CCSER1: variants seen among roughly 807,000 people sequenced by gnomAD.
The protein encoded by CCSER1 is coiled-coil serine rich protein 1, also known as serine-rich coiled-coil domain-containing protein 1.
Under a neutral mutation model 82.0 loss-of-function variants are expected in CCSER1, and 41 were observed. The observed-to-expected ratio is 0.50, with a 90% CI of 0.39 to 0.65. The LOEUF (loss-of-function observed/expected upper bound fraction) is 0.65. Ranked by LOEUF, CCSER1 falls within the 30% of genes least tolerant of loss-of-function variation. The probability of loss-of-function intolerance (pLI) is 0.00; values close to 1 mark genes in which losing one functional copy is unlikely to be tolerated. For synonymous variants in CCSER1, 414 were observed against 383.9 expected (o/e 1.08, Z -0.92); for missense variants, 1,119 against 1,064.2 (o/e 1.05, Z -0.72).
chr4:90,985,673 G>A (rs1018672901), intron 9 of CCSER1, among the ~76,000 whole-genome samples: 12 of 151,386 alleles, frequency 7.9e-5, no homozygotes, highest in Admixed American at 5.9e-4. Flanking sequence ...TTTATTATAC[G>A]TCATCTGAAT....
At chr4:90,140,805 C>T (rs2153335525) in intron 1 of CCSER1, among the ~76,000 whole-genome samples, 1 of 151,554 alleles carries the variant, frequency 6.6e-6, no homozygotes, top group African/African-American at 2.4e-5. Flanking sequence ...GCTGGGATTA[C>T]AGGCATGCGC....
intron 5 of CCSER1, among the ~76,000 whole-genome samples, chr4:90,603,325 A>C (rs1490463795): frequency 6.6e-6 from 1 of 152,192 alleles, no homozygotes; most frequent in Non-Finnish European, 1.5e-5. Flanking sequence ...AATTATCAGG[A>C]GGATGCCTGA....
chr4:90,855,698 A>G (rs1349901962), intron 8 of CCSER1, among the ~76,000 whole-genome samples: 1 of 152,162 alleles, frequency 6.6e-6, no homozygotes, highest in African/African-American at 2.4e-5. Context: ...ATTGATTAAT[A>G]TCTTTATGTT....
intron 9 of CCSER1, among the ~76,000 whole-genome samples, chr4:91,046,689 T>TTTG (rs547912496): frequency 2.0e-3 from 301 of 151,722 alleles, no homozygotes; most frequent in South Asian, 0.012. Flanking sequence ...TAATATGTTT[T>TTTG]TTGTTGTTGT....
chr4:91,021,024 G>GT (rs1201234241), intron 9 of CCSER1, among the ~76,000 whole-genome samples: 1 of 152,064 alleles, frequency 6.6e-6, no homozygotes, highest in Non-Finnish European at 1.5e-5. Flanking sequence ...TTAAAGAAAG[G>GT]TTTTTTACAG....
chr4:90,832,323 A>G (rs1456170315), intron 8 of CCSER1, among the ~76,000 whole-genome samples: 1 of 152,054 alleles, frequency 6.6e-6, no homozygotes, highest in Non-Finnish European at 1.5e-5. Context: ...TACAGATAGA[A>G]CATGTGATGA....
intron 8 of CCSER1, among the ~76,000 whole-genome samples, chr4:90,912,678 T>C (rs568105235): frequency 5.9e-5 from 9 of 151,926 alleles, no homozygotes; most frequent in Admixed American, 2.0e-4. Flanking sequence ...CTTCAGAGGA[T>C]CAAACGTTTC....
At chr4:90,488,481 C>G (rs1033310009) in intron 5 of CCSER1, among the ~76,000 whole-genome samples, 2 of 152,112 alleles carry the variant, frequency 1.3e-5, no homozygotes, top group African/African-American at 4.8e-5. Context: ...AGCCACTGCA[C>G]CAGGCGACGT....
intron 10 of CCSER1, among the ~76,000 whole-genome samples, chr4:91,537,597 A>T (rs975583211): frequency 8.6e-5 from 13 of 152,044 alleles, no homozygotes; most frequent in African/African-American, 2.7e-4. Context: ...GAAGTCATTA[A>T]AGTCATATAT....
intron 7 of CCSER1, among the ~76,000 whole-genome samples, chr4:90,782,462 T>TA (rs1753901616): frequency 6.6e-6 from 1 of 152,122 alleles, no homozygotes. Flanking sequence ...GAAATATATT[T>TA]AAAAAACTCT....
At chr4:90,822,232 A>G (rs768226159) in intron 8 of CCSER1, among the ~76,000 whole-genome samples, 1 of 152,182 alleles carries the variant, frequency 6.6e-6, no homozygotes, top group Non-Finnish European at 1.5e-5. Context: ...CTTGGATGAC[A>G]ATTTACATAT....
chr4:91,071,820 C>T (rs6853003), intron 9 of CCSER1, among the ~76,000 whole-genome samples: 25,592 of 151,996 alleles, frequency 0.17, 2,308 homozygotes, highest in Admixed American at 0.25. Context: ...TTTAAATTCA[C>T]GGTTAGACTG....
chr4:91,480,850 A>C (rs1393259210), intron 10 of CCSER1, among the ~76,000 whole-genome samples: 2 of 152,188 alleles, frequency 1.3e-5, no homozygotes, highest in African/African-American at 4.8e-5. Flanking sequence ...TGTCTTCTCA[A>C]TCACTATTGA....
In CCSER1 at chr4:91,370,086, T is replaced by A. The variant is rs7654013; in HGVS notation, c.2218-228486T>A. Among the ~76,000 whole-genome samples the A allele has an allele frequency of 1.5e-4, 23 of 151,958 alleles. No homozygotes were observed. The Middle Eastern group carries it at 0.01, about 68-fold the overall frequency. ...ACTAGTCTATTTAACCATGTAGACC[T>A]TGTGCTCAATCAATACCTGCTAACA... On this transcript the variant is annotated intron_variant, in intron 10 of 10. Transcript: ENST00000509176.
chr4:91,337,358 T>G (rs1208283393), intron 10 of CCSER1, among the ~76,000 whole-genome samples: 1 of 152,142 alleles, frequency 6.6e-6, no homozygotes, highest in Non-Finnish European at 1.5e-5. Flanking sequence ...TGGTCAAGTC[T>G]TGCCTCATCA....
At chr4:91,040,495 A>T (rs1741864531) in intron 9 of CCSER1, among the ~76,000 whole-genome samples, 1 of 152,206 alleles carries the variant, frequency 6.6e-6, no homozygotes, top group African/African-American at 2.4e-5. Context: ...TATTATCCTA[A>T]ATCATATTGA....
At chr4:91,206,543 T>C (rs941004065) in intron 10 of CCSER1, among the ~76,000 whole-genome samples, 11 of 151,936 alleles carry the variant, frequency 7.2e-5, no homozygotes, top group African/African-American at 2.7e-4. Context: ...TACAACAATA[T>C]AGAGAAGGCC....
chr4:90,476,845 C>T (rs1397886122), intron 5 of CCSER1, among the ~76,000 whole-genome samples: 3 of 152,056 alleles, frequency 2.0e-5, no homozygotes, highest in Non-Finnish European at 4.4e-5. Flanking sequence ...AGTTTGACAA[C>T]CCTTCTTTGT....
intron 8 of CCSER1, among the ~76,000 whole-genome samples, chr4:90,875,801 G>T (rs1767128025): frequency 6.6e-6 from 1 of 152,232 alleles, no homozygotes; most frequent in African/African-American, 2.4e-5. Context: ...TCAATGCACA[G>T]GAAGCCTAGT....
Sources: allele counts gnomAD v4.1 joint callset (sites outside exome capture counted in the v4.1 genomes callset), GRCh38; gene constraint gnomAD v4.1.1; transcripts MANE v1.5; gene names NCBI Gene and HGNC (gene_info 2026-07-23, HGNC 2026-07-21).